ADARB2: variants seen among roughly 807,000 people sequenced by gnomAD.
ADARB2 encodes adenosine deaminase RNA specific B2 (inactive).
In ADARB2, 25 loss-of-function variants were observed where a neutral mutation model predicts 62.2. The ratio of observed to expected loss-of-function variants is 0.40; its 90% CI spans 0.29 to 0.56. ADARB2 has a LOEUF of 0.56. Among genes scored for constraint, ADARB2 ranks in the 20% least tolerant of loss-of-function variants. The pLI is 0.43. For synonymous variants in ADARB2, 572 were observed against 500.8 expected, an observed-to-expected ratio of 1.14 and a Z score of -1.90; for missense variants, 1,071 against 1,077.4, an observed-to-expected ratio of 0.99 and a Z score of 0.08.
chr10:1,292,453 T>C (rs771890066), intron 3 of ADARB2: 2 of 152,216 alleles, frequency 1.3e-5, no homozygotes, highest in African/African-American at 4.8e-5. Context: ...TACTGAGTGA[T>C]TTTCTTTCAA....
intron 1 of ADARB2, among the ~76,000 whole-genome samples, chr10:1,528,890 A>G (rs1467215166): frequency 6.6e-6 from 1 of 152,166 alleles, no homozygotes; most frequent in African/African-American, 2.4e-5. Context: ...TCTGCCCTCT[A>G]TGAGCTCCAG....
chr10:1,486,767 C>T (rs1275869980), intron 1 of ADARB2, among the ~76,000 whole-genome samples: 1 of 152,130 alleles, frequency 6.6e-6, no homozygotes, highest in Non-Finnish European at 1.5e-5. Flanking sequence ...TCATTGCTAC[C>T]ACATGGGAAG....
At chr10:1,723,286 C>A (rs867882865) in intron 1 of ADARB2, among the ~76,000 whole-genome samples, 1 of 152,238 alleles carries the variant, frequency 6.6e-6, no homozygotes, top group African/African-American at 2.4e-5. Flanking sequence ...AACATCTGCT[C>A]CTGAGTTTTG....
chr10:1,287,523 A>T (rs1280359316), intron 3 of ADARB2, among the ~76,000 whole-genome samples: 2 of 152,180 alleles, frequency 1.3e-5, no homozygotes, highest in Non-Finnish European at 2.9e-5. Context: ...TCTGACGGAC[A>T]TCCTAGCCCC....
rs372969762 is a variant in ADARB2 at position 1,632,283 on chromosome 10, G to A, written c.100+104768C>T. On this transcript the variant is annotated intron_variant, in intron 1 of 9. Coordinates refer to ENST00000381312, the MANE Select transcript of ADARB2 (RefSeq NM_018702.4). The stretch of plus-strand genomic sequence containing the variant: ...GCATGCATACACTACACACACATAT[G>A]CACACACTACACACATGCGCACACA... Among the ~76,000 whole-genome samples, 5 of 151,968 alleles carry A rather than the reference G, an allele frequency of 3.3e-5. No homozygotes were observed. In the East Asian group the frequency reaches 9.6e-4, roughly 29 times the overall value.
At chr10:1,273,230 T>C (rs1831281142) in intron 3 of ADARB2, among the ~76,000 whole-genome samples, 1 of 152,232 alleles carries the variant, frequency 6.6e-6, no homozygotes. Context: ...ACTCTTTCAA[T>C]GCATGCTGTC....
At chr10:1,233,629 C>CA (rs1361823444) in intron 6 of ADARB2, 65 bp downstream of exon 6, 1 of 1,515,040 alleles carries the variant, frequency 6.6e-7, no homozygotes, top group African/African-American at 1.4e-5. Context: ...AAGCCCAGGA[C>CA]AGAGTCCCAG....
chr10:1,378,999 T>A (rs959069375), intron 2 of ADARB2, 75 bp downstream of exon 2: 3 of 1,273,960 alleles, frequency 2.4e-6, no homozygotes, highest in African/African-American at 2.9e-5. Flanking sequence ...TATCTCAGGT[T>A]TTGGGGACTG....
At chr10:1,191,658 G>C (rs1836847497) in intron 8 of ADARB2, among the ~76,000 whole-genome samples, 1 of 152,148 alleles carries the variant, frequency 6.6e-6, no homozygotes, top group Admixed American at 6.5e-5. Flanking sequence ...GCAGCATATG[G>C]GCCATTCATC....
At chr10:1,549,073 GC>G (rs1832572751) in intron 1 of ADARB2, among the ~76,000 whole-genome samples, 2 of 152,170 alleles carry the variant, frequency 1.3e-5, no homozygotes, top group African/African-American at 4.8e-5. Context: ...GAGGGGAACT[GC>G]AGCCGGGTTT....
chr10:1,364,344 CA>C (rs1183619514), intron 2 of ADARB2, among the ~76,000 whole-genome samples: 10 of 152,200 alleles, frequency 6.6e-5, no homozygotes, highest in Non-Finnish European at 1.2e-4. Context: ...TACTGAGGGT[CA>C]GGGGGTCCGG....
In ADARB2 at chr10:1,737,085, G is replaced by C. The variant is rs749055382; in HGVS notation, c.66C>G (p.Ser22=). The C allele has an allele frequency of 6.2e-7, 1 of 1,611,866 alleles. No individual in the cohort carries two copies. Among genetic ancestry groups the C allele is most frequent in the Non-Finnish European group, 8.5e-7 (1 of 1,179,920 alleles). ...GGLSSQLKCK[S]KRRRRRRSKR... ...TGGACCTCCGCCTCCTCCTCCTCTT[G>C]GACTTGCATTTGAGTTGACTGCTCA... Residue 22 remains serine (S), a synonymous_variant, in exon 1 of 10, where the codon TCC becomes TCG. Transcript: ENST00000381312.
chr10:1,530,779 A>G (rs1832223003), intron 1 of ADARB2, among the ~76,000 whole-genome samples: 1 of 152,142 alleles, frequency 6.6e-6, no homozygotes, highest in Non-Finnish European at 1.5e-5. Flanking sequence ...TTTCGCATGT[A>G]TGCCTTTGCC....
intron 1 of ADARB2, chr10:1,675,541 T>A (rs1370772646): frequency 2.1e-6 from 2 of 963,962 alleles, no homozygotes; most frequent in Non-Finnish European, 2.5e-6. Flanking sequence ...AGGTTTGGGT[T>A]TGGGGGTACA....
intron 1 of ADARB2, among the ~76,000 whole-genome samples, chr10:1,651,295 G>C (rs1425699005): frequency 1.3e-5 from 2 of 152,220 alleles, no homozygotes; most frequent in African/African-American, 4.8e-5. Context: ...TTTCTCCATC[G>C]AGCCCTGGCT....
intron 1 of ADARB2, among the ~76,000 whole-genome samples, chr10:1,614,835 T>C (rs112142074): frequency 0.064 from 9,727 of 151,706 alleles, 460 homozygotes; most frequent in South Asian, 0.18. Context: ...GGCGTGAACC[T>C]GGGAGGCGGA....
At chr10:1,209,982 C>T (rs185274332) in intron 7 of ADARB2, among the ~76,000 whole-genome samples, 14 of 152,300 alleles carry the variant, frequency 9.2e-5, no homozygotes, top group African/African-American at 3.4e-4. Context: ...TTACCACTGA[C>T]ATTGTGAAGT....
chr10:1,200,863 G>A (rs574976249), intron 7 of ADARB2, among the ~76,000 whole-genome samples: 1 of 152,256 alleles, frequency 6.6e-6, no homozygotes, highest in Admixed American at 6.5e-5. Context: ...TCCTTCAGCA[G>A]CAAGCGTTAC....
At chr10:1,376,002 A>G (rs1240016458) in intron 2 of ADARB2, among the ~76,000 whole-genome samples, 1 of 151,876 alleles carries the variant, frequency 6.6e-6, no homozygotes, top group East Asian at 1.9e-4. Context: ...CGCACATGAC[A>G]CATATACACG....
Sources: gnomAD v4.1 joint callset for allele counts (sites outside exome capture counted in the v4.1 genomes callset) on GRCh38, gnomAD v4.1.1 for gene constraint, MANE v1.5 for transcripts, NCBI Gene and HGNC (gene_info 2026-07-23, HGNC 2026-07-21) for gene names.